Variants in FOXO1 observed in about 807,000 individuals in gnomAD.
FOXO1 encodes forkhead box protein O1.
In FOXO1, 6 loss-of-function variants were observed where a neutral mutation model predicts 44.1. The ratio of observed to expected loss-of-function variants is 0.14; its 90% CI spans 0.07 to 0.27. The LOEUF is 0.27. Among genes scored for constraint, FOXO1 ranks in the 10% least tolerant of loss-of-function variants. The pLI is 1.00. For synonymous variants in FOXO1, 380 were observed against 362.7 expected (o/e 1.05, Z -0.54); for missense variants, 737 against 888.8 (o/e 0.83, Z 2.17).
chr13:40,618,102 C>T lies in FOXO1; in HGVS notation c.630+47481G>A, dbSNP rs545841689. Among the ~76,000 whole-genome samples the T allele has an allele frequency of 4.6e-5, 7 of 152,206 alleles. No individual in the cohort carries two copies. In the East Asian group the frequency reaches 5.8e-4, roughly 13 times the overall value. Reference sequence around the variant, plus strand: ...CTTTTTATTTTTTTTTGGTGAGACACGGTCCCAGCTCTGTCACCCAGGCTG... The same window carrying T: ...CTTTTTATTTTTTTTTGGTGAGACATGGTCCCAGCTCTGTCACCCAGGCTG... On this transcript the variant is annotated intron_variant, in intron 1 of 2. Transcript: ENST00000379561.
At chr13:40,609,052 A>G (rs1876127908) in intron 1 of FOXO1, among the ~76,000 whole-genome samples, 1 of 152,230 alleles carries the variant, frequency 6.6e-6, no homozygotes, top group African/African-American at 2.4e-5. Flanking sequence ...GGGTAACTTT[A>G]AACAATGACA....
chr13:40,649,694 T>C (rs1228435075), intron 1 of FOXO1, among the ~76,000 whole-genome samples: 1 of 152,212 alleles, frequency 6.6e-6, no homozygotes, highest in Admixed American at 6.5e-5. Context: ...GTATAAGGCA[T>C]ACAATCAAAT....
chr13:40,637,647 G>A (rs1255253802), intron 1 of FOXO1, among the ~76,000 whole-genome samples: 3 of 151,896 alleles, frequency 2.0e-5, no homozygotes, highest in Admixed American at 6.6e-5. Context: ...CACAGCAAAC[G>A]CTACTCTAGA....
At chr13:40,651,500 A>C (rs565619921) in intron 1 of FOXO1, among the ~76,000 whole-genome samples, 62 of 148,868 alleles carry the variant, frequency 4.2e-4, no homozygotes, top group African/African-American at 1.5e-3. Context: ...AAATTTCCTT[A>C]GTATGAATTT....
At chr13:40,619,226 G>A (rs556870469) in intron 1 of FOXO1, 5 of 360,608 alleles carry the variant, frequency 1.4e-5, no homozygotes, top group African/African-American at 4.3e-5. Context: ...TCTGGGAGGC[G>A]GAGTTTGCAG....
intron 1 of FOXO1, among the ~76,000 whole-genome samples, chr13:40,640,664 C>T (rs1389224253): frequency 1.3e-5 from 2 of 150,764 alleles, no homozygotes; most frequent in Non-Finnish European, 2.9e-5. Context: ...TTGTCCTCGT[C>T]CCTTAACTAA....
chr13:40,656,869 C>T (rs898384669), intron 1 of FOXO1, among the ~76,000 whole-genome samples: 2 of 150,228 alleles, frequency 1.3e-5, no homozygotes, highest in African/African-American at 2.5e-5. Flanking sequence ...CTCTCTCTGT[C>T]GCCCAGGCTG....
intron 1 of FOXO1, chr13:40,619,637 G>T: frequency 6.5e-7 from 1 of 1,546,872 alleles, no homozygotes; most frequent in Non-Finnish European, 8.9e-7. Context: ...AGGCGAACAA[G>T]AAGCCAAACC....
intron 1 of FOXO1, among the ~76,000 whole-genome samples, chr13:40,659,751 G>T (rs543694205): frequency 1.3e-5 from 2 of 152,108 alleles, no homozygotes; most frequent in Non-Finnish European, 2.9e-5. Flanking sequence ...AACTATTGGC[G>T]GTGCTTAACC....
intron 1 of FOXO1, among the ~76,000 whole-genome samples, chr13:40,595,134 G>A (rs1163558220): frequency 6.6e-6 from 1 of 152,200 alleles, no homozygotes; most frequent in Non-Finnish European, 1.5e-5. Context: ...AGAAAAAACT[G>A]AGATGGAGCG....
intron 1 of FOXO1, among the ~76,000 whole-genome samples, chr13:40,567,411 T>C (rs1874311802): frequency 1.3e-5 from 2 of 152,054 alleles, no homozygotes. Context: ...ATAAGGCAGG[T>C]ATTACTGGCT....
At chr13:40,578,175 G>GA (rs1272054219) in intron 1 of FOXO1, among the ~76,000 whole-genome samples, 3 of 152,110 alleles carry the variant, frequency 2.0e-5, no homozygotes, top group African/African-American at 7.2e-5. Context: ...CTCACTCAGG[G>GA]AATGTGCCTT....
intron 1 of FOXO1, among the ~76,000 whole-genome samples, chr13:40,583,121 G>A (rs962907791): frequency 3.3e-5 from 5 of 152,222 alleles, no homozygotes; most frequent in Non-Finnish European, 7.3e-5. Flanking sequence ...TCTTGTGTGA[G>A]GAGGTACATT....
At chr13:40,664,932 G>A (rs975138128) in intron 1 of FOXO1, among the ~76,000 whole-genome samples, 3 of 151,862 alleles carry the variant, frequency 2.0e-5, no homozygotes, top group Non-Finnish European at 4.4e-5. Flanking sequence ...CTTCGCACGT[G>A]TCGGAGGCAC....
intron 1 of FOXO1, among the ~76,000 whole-genome samples, chr13:40,615,473 A>G (rs1022273166): frequency 1.3e-5 from 2 of 152,114 alleles, no homozygotes; most frequent in African/African-American, 4.8e-5. Context: ...TGGAGGTTGC[A>G]GTGAGCCAAG....
rs748268306 is a variant in FOXO1, at chr13:40,560,091, G to A, written c.1400C>T (p.Thr467Ile). Residue 467 changes from threonine (T) to isoleucine (I), a missense_variant, in exon 2 of 3, where the codon ACT becomes ATT. Around this residue, in one of 7 missense-constraint regions of FOXO1, gnomAD observed 283 missense variants for 278.1 expected, o/e 1.02. Transcript: ENST00000379561. The surrounding 1 kb of genome is among the most constrained non-coding windows in gnomAD (Gnocchi z 5.1). ...GTCATTATGGGGAGGAGAGTCAGAA[G>A]TCAGCAACTCCTTCAAGAGTCCAGG... ...CAPGLLKELL[T>I]SDSPPHNDIM... 2 of 1,614,180 alleles carry A rather than the reference G, an allele frequency of 1.2e-6. No homozygotes were observed. Among genetic ancestry groups the A allele is most frequent in the Non-Finnish European group, 1.7e-6 (2 of 1,180,034 alleles).
At chr13:40,630,427 G>A (rs2137912081) in intron 1 of FOXO1, among the ~76,000 whole-genome samples, 1 of 152,250 alleles carries the variant, frequency 6.6e-6, no homozygotes, top group Admixed American at 6.5e-5. Context: ...GGCCAAGGTG[G>A]CAGATTACCT....
rs1266054220 is a variant in FOXO1 at position 40,560,304 on chromosome 13, C to G, written c.1187G>C (p.Gly396Ala). The change falls in exon 2 of 3, where the codon GGC becomes GCC. Residue 396 changes from glycine to alanine, a missense_variant. This residue lies in a region of FOXO1 where 283 missense variants were observed against 278.1 expected (regional missense o/e 1.02). Coordinates refer to ENST00000379561, the MANE Select transcript of FOXO1 (RefSeq NM_002015.4). This position sits in a 1 kb window ranked among gnomAD's most constrained non-coding sequence, Gnocchi z 5.1. ...SLTVSTQSSP[G>A]TMMQQTPCYS... ...GCACGGCGTCTGCTGCATCATGGTGCCAGGTGAGGACTGGGTCGAAACAGT... is the reference window on the plus strand; with the variant it reads ...GCACGGCGTCTGCTGCATCATGGTGGCAGGTGAGGACTGGGTCGAAACAGT... 6 of 1,614,042 alleles carry G rather than the reference C, an allele frequency of 3.7e-6. No individual in the cohort carries two copies. The highest frequency in any genetic ancestry group is 1.7e-6 in the Non-Finnish European group (2 of 1,180,004).
At position 40,655,721 on chromosome 13, in the gene FOXO1, C is replaced by T. The variant is rs954136048; in HGVS notation, c.630+9862G>A. On this transcript the variant is annotated intron_variant, in intron 1 of 2. Transcript: ENST00000379561. ...GTCGTGGCATAATCTCAGCTCACTA[C>T]AGCCTCCACCTCACAGGTCTGAGGC... Among the ~76,000 whole-genome samples, 5 of 140,884 alleles carry T rather than the reference C, an allele frequency of 3.5e-5. No individual in the cohort carries two copies. The South Asian group carries it at 1.1e-3, about 32-fold the overall frequency. 92.4% of individuals were successfully genotyped at this position (140,884 alleles called of 152,430 possible).
Sources: gnomAD v4.1 joint callset for allele counts (sites outside exome capture counted in the v4.1 genomes callset) on GRCh38, gnomAD v4.1.1 for gene constraint, gnomAD v4.1.1 regional missense constraint, Gnocchi (gnomAD v3.1) non-coding constraint, MANE v1.5 for transcripts, NCBI Gene and HGNC (gene_info 2026-07-23, HGNC 2026-07-21) for gene names.